Variants in PRR5L observed in about 807,000 individuals in gnomAD.
PRR5L encodes proline-rich protein 5-like.
In PRR5L, 21 loss-of-function variants were observed where a neutral mutation model predicts 36.4. The ratio of observed to expected loss-of-function variants is 0.58; its 90% CI spans 0.41 to 0.83. The LOEUF (loss-of-function observed/expected upper bound fraction) is 0.83. Among genes scored for constraint, PRR5L ranks in the 40% least tolerant of loss-of-function variants. PRR5L has a pLI of 0.00. For missense variants in PRR5L, 381 were observed against 473.3 expected, an observed-to-expected ratio of 0.80 and a Z score of 1.81; for synonymous variants, 188 against 197.0, an observed-to-expected ratio of 0.95 and a Z score of 0.38.
intron 3 of PRR5L, among the ~76,000 whole-genome samples, chr11:36,407,586 C>G (rs1186764204): frequency 6.6e-6 from 1 of 152,170 alleles, no homozygotes; most frequent in Non-Finnish European, 1.5e-5. Context: ...TTTCAGTTCT[C>G]CATTCTACTG....
At position 36,298,305 on chromosome 11, in the gene PRR5L, T is replaced by C. The variant is rs1018438968; in HGVS notation, c.-126+1867T>C. Among the ~76,000 whole-genome samples, 28 of 152,332 alleles carry C rather than the reference T, an allele frequency of 1.8e-4. 1 individual carries two copies. In the South Asian group the frequency reaches 5.6e-3, roughly 30 times the overall value. The stretch of plus-strand genomic sequence containing the variant: ...TTCAGGATGATTCAAGTGCATTACA[T>C]TTATTGAGAACCTTATTTATATTAT... On this transcript the variant is annotated intron_variant, in intron 1 of 8. Transcript: ENST00000530639.
intron 8 of PRR5L, among the ~76,000 whole-genome samples, chr11:36,457,430 C>G (rs1287566887): frequency 6.6e-6 from 1 of 152,006 alleles, no homozygotes; most frequent in Non-Finnish European, 1.5e-5. Context: ...CACGGTGAAA[C>G]CCTGTCTCTG....
intron 3 of PRR5L, among the ~76,000 whole-genome samples, chr11:36,410,296 G>C (rs1857996992): frequency 6.6e-6 from 1 of 152,180 alleles, no homozygotes; most frequent in Admixed American, 6.5e-5. Context: ...CTGGGCACTG[G>C]ACTCACGGTC....
intron 6 of PRR5L, among the ~76,000 whole-genome samples, chr11:36,444,670 T>C (rs1858791155): frequency 6.6e-6 from 1 of 152,212 alleles, no homozygotes; most frequent in African/African-American, 2.4e-5. Context: ...TCCTTTTGCT[T>C]TGCAGTCTTT....
rs1322563153 is a variant in PRR5L at position 36,377,230 on chromosome 11, C to T, written c.-125-23767C>T. On this transcript the variant is annotated intron_variant, in intron 1 of 8. Transcript: ENST00000530639. This position sits in a 1 kb window ranked among gnomAD's most constrained non-coding sequence, Gnocchi z 5.1. ...AGGGCAGGGCAGGGAGCCACTTTGT[C>T]CCGTGCGCTGCTGCACGCGCGCGCT... 2.0e-5 allele frequency among the ~76,000 whole-genome samples: 3 copies of T among 152,326 alleles called. No homozygotes were observed. The highest frequency in any genetic ancestry group is 1.9e-4 in the East Asian group (1 of 5,162).
At chr11:36,426,737 T>G (rs1359989546) in intron 4 of PRR5L, among the ~76,000 whole-genome samples, 1 of 152,224 alleles carries the variant, frequency 6.6e-6, no homozygotes. Context: ...TGTCTGACAC[T>G]GAGTAAAAAC....
At chr11:36,315,677 T>C (rs1856548493) in intron 1 of PRR5L, among the ~76,000 whole-genome samples, 1 of 152,230 alleles carries the variant, frequency 6.6e-6, no homozygotes, top group African/African-American at 2.4e-5. Context: ...CTGTGAGCAA[T>C]TGGCCATATT....
At chr11:36,381,771 C>T (rs974052633) in intron 1 of PRR5L, 1 of 152,042 alleles carries the variant, frequency 6.6e-6, no homozygotes, top group Non-Finnish European at 1.5e-5. Flanking sequence ...AGGCTGAATT[C>T]TTGGGTAAAC....
chr11:36,457,883 G>C lies in PRR5L; in HGVS notation c.713-4459G>C, dbSNP rs370077091. ...GTGTGTACTTCTATCAGCAGTGAGAGAGAAATGAATTGTTCTCAAGGGCAT... is the reference window on the plus strand; with the variant it reads ...GTGTGTACTTCTATCAGCAGTGAGACAGAAATGAATTGTTCTCAAGGGCAT... On this transcript the variant is annotated intron_variant, in intron 8 of 8. Transcript: ENST00000530639. 4.1e-4 allele frequency among the ~76,000 whole-genome samples: 62 copies of C among 152,340 alleles called. 1 individual carries two copies. In the South Asian group the frequency reaches 0.012, roughly 30 times the overall value.
chr11:36,401,228 C>G lies in PRR5L; in HGVS notation c.107C>G (p.Pro36Arg). The G allele has an allele frequency of 1.9e-6, 3 of 1,613,888 alleles. No homozygotes were observed. The highest frequency in any genetic ancestry group is 2.5e-6 in the Non-Finnish European group (3 of 1,179,992). The change falls in exon 2 of 9, where the codon CCC becomes CGC. Residue 36 changes from proline (P) to arginine (R), a missense_variant. Pro to Arg is a moderately radical substitution (Grantham distance 103, BLOSUM62 -2). Transcript: ENST00000530639. ...AGCTCCCCCGTGCTCAGCGACCTTC[C>G]CCGATTCCAAGCAGCTCGGCAGGCT... ...FMSSPVLSDL[P>R]RFQAARQALQ... is the part of the protein sequence containing the mutation.
At chr11:36,423,264 C>T (rs1417841903) in intron 4 of PRR5L, among the ~76,000 whole-genome samples, 3 of 152,102 alleles carry the variant, frequency 2.0e-5, no homozygotes, top group African/African-American at 7.2e-5. Context: ...CGTGTGTGTG[C>T]ATGTATGCAT....
At chr11:36,451,400 GAGCACTGTTTAACTGAGCACTGATACC>G (rs1478819851) in intron 8 of PRR5L, 65 bp downstream of exon 8, 36 of 1,587,794 alleles carry the variant, frequency 2.3e-5, no homozygotes, top group Non-Finnish European at 3.1e-5. Context: ...CTGTTTAACT[GAGCACTGTTTAACTGAGCACTGATACC>G]AGCACTGTTT....
chr11:36,395,226 G>T (rs2133548764), intron 1 of PRR5L, among the ~76,000 whole-genome samples: 1 of 152,228 alleles, frequency 6.6e-6, no homozygotes, highest in South Asian at 2.1e-4. Flanking sequence ...TAAATAAAAT[G>T]TAATATCTCC....
chr11:36,444,870 G>A (rs927093049), intron 6 of PRR5L, among the ~76,000 whole-genome samples: 1 of 152,174 alleles, frequency 6.6e-6, no homozygotes, highest in African/African-American at 2.4e-5. Flanking sequence ...CCAGGACCTG[G>A]CCAGAATAAT....
intron 1 of PRR5L, among the ~76,000 whole-genome samples, chr11:36,368,312 G>T (rs753061840): frequency 1.3e-5 from 2 of 152,076 alleles, no homozygotes; most frequent in Admixed American, 1.3e-4. Flanking sequence ...ATAGTCTAAT[G>T]GCTTGATGGG....
intron 1 of PRR5L, chr11:36,380,482 T>A (rs758193501): frequency 3.3e-5 from 5 of 152,176 alleles, no homozygotes; most frequent in Admixed American, 2.0e-4. Flanking sequence ...AGTCACTCAG[T>A]CTCCCTCTTT....
At chr11:36,451,462 T>A (rs1858943663) in intron 8 of PRR5L, 127 bp downstream of exon 8, 3 of 1,194,588 alleles carry the variant, frequency 2.5e-6, no homozygotes, top group African/African-American at 1.5e-5. Context: ...TTTTGCTTCC[T>A]GTGCGGGTCA....
chr11:36,371,020 G>A (rs1217016119), intron 1 of PRR5L, among the ~76,000 whole-genome samples: 1 of 152,048 alleles, frequency 6.6e-6, no homozygotes, highest in Non-Finnish European at 1.5e-5. Context: ...CAGACAGTCA[G>A]ATTTAATTCA....
intron 5 of PRR5L, among the ~76,000 whole-genome samples, chr11:36,435,698 T>C (rs1263027861): frequency 6.9e-6 from 1 of 144,966 alleles, no homozygotes; most frequent in East Asian, 2.1e-4. Context: ...GTGTAGATCA[T>C]ATTACTGATG....
Sources: gnomAD v4.1 joint callset for allele counts (sites outside exome capture counted in the v4.1 genomes callset) on GRCh38, gnomAD v4.1.1 for gene constraint, Gnocchi (gnomAD v3.1) non-coding constraint, MANE v1.5 for transcripts, NCBI Gene and HGNC (gene_info 2026-07-23, HGNC 2026-07-21) for gene names.